Variants in DLEU7 observed in about 807,000 individuals in gnomAD.
The protein encoded by DLEU7 is deleted in lymphocytic leukemia 7.
A neutral mutation model predicts 16.0 loss-of-function variants in DLEU7; 17 were observed. The ratio of observed to expected loss-of-function variants is 1.06; its 90% CI spans 0.73 to 1.59. The LOEUF is 1.59. Ranked by LOEUF, DLEU7 falls within the 40% of genes most tolerant of loss-of-function variation. DLEU7 has a pLI of 0.00. For synonymous variants in DLEU7, 113 were observed against 139.8 expected (o/e 0.81, Z 1.35); for missense variants, 308 against 314.9 (o/e 0.98, Z 0.17).
At chr13:50,760,637 C>T (rs1366424192) in intron 1 of DLEU7, among the ~76,000 whole-genome samples, 1 of 152,218 alleles carries the variant, frequency 6.6e-6, no homozygotes, top group Admixed American at 6.5e-5. Flanking sequence ...GTTGGGATTA[C>T]AGGCGTGAGC....
At chr13:50,744,157 T>C (rs1874326077) in intron 1 of DLEU7, among the ~76,000 whole-genome samples, 1 of 152,170 alleles carries the variant, frequency 6.6e-6, no homozygotes, top group African/African-American at 2.4e-5. Context: ...TTGCAGTGTT[T>C]CCACACTCTT....
At chr13:50,718,112 A>C (rs1035652156) in intron 1 of DLEU7, among the ~76,000 whole-genome samples, 1 of 152,204 alleles carries the variant, frequency 6.6e-6, no homozygotes, top group African/African-American at 2.4e-5. Context: ...GATTTCTATG[A>C]ATATTGAAAT....
intron 1 of DLEU7, among the ~76,000 whole-genome samples, chr13:50,716,875 C>T (rs2476617): frequency 0.077 from 11,756 of 152,096 alleles, 1,441 homozygotes; most frequent in African/African-American, 0.26. Flanking sequence ...ACAATAATTG[C>T]CTCTAGGTAG....
intron 1 of DLEU7, among the ~76,000 whole-genome samples, chr13:50,794,613 G>A (rs1179994549): frequency 1.3e-5 from 2 of 152,174 alleles, no homozygotes; most frequent in African/African-American, 2.4e-5. Context: ...TACTTGTGCT[G>A]TGAGTTGGAA....
At chr13:50,750,564 T>G (rs563646985) in intron 1 of DLEU7, among the ~76,000 whole-genome samples, 1 of 152,354 alleles carries the variant, frequency 6.6e-6, no homozygotes, top group African/African-American at 2.4e-5. Context: ...AACCCATTCA[T>G]GAGCATGGGA....
At chr13:50,819,490 C>A (rs559094971), downstream of DLEU7, among the ~76,000 whole-genome samples, 3 of 152,202 alleles carry the variant, frequency 2.0e-5, no homozygotes, top group South Asian at 4.2e-4. Flanking sequence ...TACTATGACC[C>A]CTCAGAGAGG....
intron 1 of DLEU7, among the ~76,000 whole-genome samples, chr13:50,774,829 T>G (rs1566247466): frequency 6.6e-6 from 1 of 152,292 alleles, no homozygotes; most frequent in East Asian, 1.9e-4. Context: ...ATTGGCTTTC[T>G]TCATGGACAC....
chr13:50,723,670 A>G (rs1294888157), intron 1 of DLEU7, among the ~76,000 whole-genome samples: 1 of 151,852 alleles, frequency 6.6e-6, no homozygotes, highest in Admixed American at 6.6e-5. Flanking sequence ...CTTTTTTTAT[A>G]AGGGCACTAA....
chr13:50,776,989 C>A (rs1346417573), intron 1 of DLEU7, among the ~76,000 whole-genome samples: 2 of 152,090 alleles, frequency 1.3e-5, no homozygotes, highest in African/African-American at 4.8e-5. Flanking sequence ...AATGTTGAAT[C>A]TTGGGTGATA....
rs1040267421 is a variant in DLEU7, at chr13:50,843,688, G to A, written c.-42C>T. ...CCGGCGCGCTCCGCGTGCAGGTGGA[G>A]CAGCAGCGAGGGAGGCGGGGGCGTT... On this transcript the variant is annotated 5_prime_UTR_variant, in exon 1 of 2. Coordinates refer to ENST00000504404, the MANE Select transcript of DLEU7 (RefSeq NM_001306135.2). The surrounding 1 kb of genome is among the most constrained non-coding windows in gnomAD (Gnocchi z 5.7). 1.3e-6 allele frequency: 2 copies of A among 1,489,470 alleles called. No homozygotes were observed. The highest frequency in any genetic ancestry group is 1.5e-5 in the African/African-American group (1 of 68,732). The allele number at this position is 1,489,470 out of a possible 1,614,324, so 92.3% of individuals were successfully genotyped here.
intron 1 of DLEU7, among the ~76,000 whole-genome samples, chr13:50,751,373 G>GT (rs1437085414): frequency 6.6e-6 from 1 of 152,106 alleles, no homozygotes; most frequent in Non-Finnish European, 1.5e-5. Context: ...TTCATCAGGC[G>GT]TATCAGTCTG....
chr13:50,831,733 G>A (rs957926228), intron 1 of DLEU7, among the ~76,000 whole-genome samples: 3 of 152,184 alleles, frequency 2.0e-5, no homozygotes, highest in African/African-American at 7.2e-5. Context: ...CACAATCCAT[G>A]ATAGATGAAA....
At chr13:50,747,131 G>A (rs1280305590) in intron 1 of DLEU7, among the ~76,000 whole-genome samples, 1 of 152,090 alleles carries the variant, frequency 6.6e-6, no homozygotes, top group Non-Finnish European at 1.5e-5. Context: ...AATTGTTATT[G>A]TTAAGTAAAA....
intron 1 of DLEU7, among the ~76,000 whole-genome samples, chr13:50,749,708 C>A (rs867860767): frequency 2.6e-5 from 4 of 151,968 alleles, no homozygotes; most frequent in African/African-American, 9.7e-5. Flanking sequence ...AGCATTTTTT[C>A]ATACATTTGT....
chr13:50,721,391 A>G (rs1305724349), intron 1 of DLEU7, among the ~76,000 whole-genome samples: 2 of 152,126 alleles, frequency 1.3e-5, no homozygotes, highest in African/African-American at 2.4e-5. Flanking sequence ...GTGTGAGTCA[A>G]TTCTCCTTAA....
intron 1 of DLEU7, among the ~76,000 whole-genome samples, chr13:50,785,798 C>T (rs934245585): frequency 6.6e-6 from 1 of 152,172 alleles, no homozygotes; most frequent in Non-Finnish European, 1.5e-5. Flanking sequence ...GAGCATTTAT[C>T]ACCAACACTT....
chr13:50,753,763 C>T (rs536573540), intron 1 of DLEU7, among the ~76,000 whole-genome samples: 38 of 152,338 alleles, frequency 2.5e-4, no homozygotes, highest in Middle Eastern at 3.4e-3. Flanking sequence ...CACAGTGCAG[C>T]GGTAGGCTGA....
chr13:50,712,512 A>T (rs1873320647), exon 2 of DLEU7: 1 of 152,652 alleles, frequency 6.6e-6, no homozygotes, highest in South Asian at 2.1e-4. Context: ...TATGCAGCAT[A>T]TAATTTTTTT....
chr13:50,777,474 G>T (rs1000448114), intron 1 of DLEU7, among the ~76,000 whole-genome samples: 1 of 152,190 alleles, frequency 6.6e-6, no homozygotes. Flanking sequence ...GAGTTCTTCA[G>T]CTTTGGGACT....
Sources: allele counts gnomAD v4.1 joint callset (sites outside exome capture counted in the v4.1 genomes callset), GRCh38; gene constraint gnomAD v4.1.1; non-coding constraint Gnocchi (gnomAD v3.1); transcripts MANE v1.5; gene names NCBI Gene and HGNC (gene_info 2026-07-23, HGNC 2026-07-21).